ZNF804B: variants seen among roughly 807,000 people sequenced by gnomAD.
ZNF804B encodes the protein zinc finger protein 804B, also known as zinc finger 804B.
A neutral mutation model predicts 101.4 loss-of-function variants in ZNF804B; 80 were observed. The observed-to-expected ratio is 0.79, with a 90% confidence interval of 0.66 to 0.95. The LOEUF (loss-of-function observed/expected upper bound fraction) is 0.95, where lower values mean the gene tolerates loss of function less well. Among genes scored for constraint, ZNF804B ranks in the 40% least tolerant of loss-of-function variants. The pLI, the probability that ZNF804B is intolerant of heterozygous loss-of-function variation, is 0.00. For synonymous variants in ZNF804B, 622 were observed against 558.8 expected (o/e 1.11, Z -1.59); for missense variants, 1,673 against 1,561.9 (o/e 1.07, Z -1.20).
chr7:89,075,559 G>A (rs1789604256), intron 1 of ZNF804B, among the ~76,000 whole-genome samples: 1 of 152,230 alleles, frequency 6.6e-6, no homozygotes, highest in Non-Finnish European at 1.5e-5. Context: ...TGGATGTCCA[G>A]ACAGAAGTTT....
At chr7:89,009,464 A>G (rs1788420068) in intron 1 of ZNF804B, among the ~76,000 whole-genome samples, 1 of 152,176 alleles carries the variant, frequency 6.6e-6, no homozygotes, top group African/African-American at 2.4e-5. Flanking sequence ...TATCTTGACA[A>G]TGGAGCTTCT....
At chr7:88,869,894 A>G (rs1190787732) in intron 1 of ZNF804B, among the ~76,000 whole-genome samples, 1 of 152,218 alleles carries the variant, frequency 6.6e-6, no homozygotes, top group Admixed American at 6.5e-5. Context: ...TTGCATTTGG[A>G]AGATGTATCA....
chr7:88,961,056 A>G (rs530386875), intron 1 of ZNF804B, among the ~76,000 whole-genome samples: 340 of 151,576 alleles, frequency 2.2e-3, no homozygotes, highest in Non-Finnish European at 4.0e-3. Context: ...TTTAGACATT[A>G]AAGAACTGAA....
intron 2 of ZNF804B, among the ~76,000 whole-genome samples, chr7:89,223,455 G>A (rs1204111327): frequency 1.3e-5 from 2 of 151,716 alleles, no homozygotes; most frequent in Admixed American, 1.3e-4. Context: ...TTATCACAAA[G>A]ATTATATTTT....
chr7:89,045,433 C>T (rs1280435935), intron 1 of ZNF804B, among the ~76,000 whole-genome samples: 1 of 152,174 alleles, frequency 6.6e-6, no homozygotes, highest in Non-Finnish European at 1.5e-5. Flanking sequence ...ATGTTAGATC[C>T]ACTGACAGCT....
intron 1 of ZNF804B, among the ~76,000 whole-genome samples, chr7:88,920,967 G>A (rs1212777737): frequency 6.6e-6 from 1 of 152,000 alleles, no homozygotes; most frequent in Non-Finnish European, 1.5e-5. Context: ...GATAGCAAGA[G>A]TTGTGATATC....
chr7:89,277,454 A>T (rs1790002198), intron 2 of ZNF804B, among the ~76,000 whole-genome samples: 1 of 111,246 alleles, frequency 9.0e-6, no homozygotes, highest in Admixed American at 1.1e-4. Flanking sequence ...CATTAGGTAT[A>T]TCTCCCAATG....
chr7:89,194,702 T>C (rs1011544425), intron 1 of ZNF804B, among the ~76,000 whole-genome samples: 11 of 151,108 alleles, frequency 7.3e-5, no homozygotes, highest in African/African-American at 2.7e-4. Flanking sequence ...ACCATGCTGT[T>C]TTGGTTACTG....
intron 1 of ZNF804B, among the ~76,000 whole-genome samples, chr7:88,830,593 T>C (rs1198442837): frequency 6.6e-6 from 1 of 151,982 alleles, no homozygotes; most frequent in Non-Finnish European, 1.5e-5. Flanking sequence ...AAATAGTATG[T>C]TTTCAGTGTA....
chr7:88,879,912 A>G (rs1792007681), intron 1 of ZNF804B, among the ~76,000 whole-genome samples: 1 of 152,002 alleles, frequency 6.6e-6, no homozygotes, highest in African/African-American at 2.4e-5. Flanking sequence ...AGTGGCAGAC[A>G]CCTGTATTCC....
chr7:88,861,000 T>C (rs1338469629), intron 1 of ZNF804B, among the ~76,000 whole-genome samples: 1 of 152,148 alleles, frequency 6.6e-6, no homozygotes, highest in Non-Finnish European at 1.5e-5. Flanking sequence ...CACTAGTCAA[T>C]TATGCTAAAT....
chr7:88,871,893 G>A (rs974099115), intron 1 of ZNF804B, among the ~76,000 whole-genome samples: 56 of 152,042 alleles, frequency 3.7e-4, no homozygotes, highest in African/African-American at 1.1e-3. Context: ...GCTTCAACCC[G>A]GGAAGTGGAG....
intron 1 of ZNF804B, among the ~76,000 whole-genome samples, chr7:88,909,187 T>G (rs1024628750): frequency 5.9e-5 from 9 of 151,810 alleles, no homozygotes; most frequent in African/African-American, 2.2e-4. Context: ...CCCTATATGG[T>G]CTTCAGTTGT....
chr7:88,862,902 G>A (rs950960403), intron 1 of ZNF804B, among the ~76,000 whole-genome samples: 2 of 152,068 alleles, frequency 1.3e-5, no homozygotes, highest in Non-Finnish European at 2.9e-5. Flanking sequence ...TTTCACACCT[G>A]TATCAATGCA....
chr7:89,154,066 G>A (rs1053649923), intron 1 of ZNF804B, among the ~76,000 whole-genome samples: 1 of 151,914 alleles, frequency 6.6e-6, no homozygotes, highest in African/African-American at 2.4e-5. Context: ...TCAAAAAATG[G>A]GCAGAAGTTT....
chr7:89,177,172 T>C (rs1009592053), intron 1 of ZNF804B, among the ~76,000 whole-genome samples: 6 of 152,188 alleles, frequency 3.9e-5, no homozygotes, highest in African/African-American at 1.4e-4. Context: ...TAGTTTGCTT[T>C]TGCTTTTTTA....
At chr7:89,252,072 A>G (rs1284206882) in intron 2 of ZNF804B, among the ~76,000 whole-genome samples, 1 of 151,792 alleles carries the variant, frequency 6.6e-6, no homozygotes, top group Non-Finnish European at 1.5e-5. Flanking sequence ...TATTTAACTC[A>G]AGAGCTTCTG....
rs1208368399 is a variant in ZNF804B at position 89,094,330 on chromosome 7, G to A, written c.109-123825G>A. On this transcript the variant is annotated intron_variant, in intron 1 of 3. Coordinates refer to ENST00000333190, the MANE Select transcript of ZNF804B (RefSeq NM_181646.5). The stretch of plus-strand genomic sequence containing the variant: ...AAATGTTTATTTAACCTCTGTATGT[G>A]TGTGTGTATATATACATTTACTTTC... 2.6e-5 allele frequency among the ~76,000 whole-genome samples: 4 copies of A among 152,284 alleles called. No homozygotes were observed. The South Asian group carries it at 6.2e-4, about 24-fold the overall frequency.
At chr7:89,280,681 T>A (rs1790078218) in intron 2 of ZNF804B, among the ~76,000 whole-genome samples, 1 of 152,184 alleles carries the variant, frequency 6.6e-6, no homozygotes, top group African/African-American at 2.4e-5. Flanking sequence ...CCTCGACACA[T>A]ACACTCTCCC....
Sources: gnomAD v4.1 joint callset for allele counts (sites outside exome capture counted in the v4.1 genomes callset) on GRCh38, gnomAD v4.1.1 for gene constraint, MANE v1.5 for transcripts, NCBI Gene and HGNC (gene_info 2026-07-23, HGNC 2026-07-21) for gene names.